SLC44A5: variants seen among roughly 807,000 people sequenced by gnomAD.
SLC44A5 encodes choline transporter-like protein 5.
SLC44A5 carries 57 observed loss-of-function variants against 101.8 expected under a neutral mutation model. The observed-to-expected ratio is 0.56, with a 90% CI of 0.45 to 0.70. The LOEUF is 0.70. Among genes scored for constraint, SLC44A5 ranks in the 30% least tolerant of loss-of-function variants. The pLI is 0.00. For synonymous variants in SLC44A5, 281 were observed against 290.9 expected (o/e 0.97, Z 0.35); for missense variants, 737 against 853.1 (o/e 0.86, Z 1.70).
At chr1:75,635,416 C>T in the SLC44A5 span, among the ~76,000 whole-genome samples, 1 of 151,982 alleles carries the variant, frequency 6.6e-6, no homozygotes, top group South Asian at 2.1e-4. Context: ...ACCCAAATGT[C>T]CAACAATGAT....
At chr1:75,616,736 T>A in the SLC44A5 span, among the ~76,000 whole-genome samples, 1 of 152,142 alleles carries the variant, frequency 6.6e-6, no homozygotes, top group African/African-American at 2.4e-5. Flanking sequence ...AGAAATGGAA[T>A]TCCAGAGGCA....
intron 2 of SLC44A5, among the ~76,000 whole-genome samples, chr1:75,499,050 C>T (rs1668812065): frequency 6.6e-6 from 1 of 152,120 alleles, no homozygotes; most frequent in African/African-American, 2.4e-5. Flanking sequence ...TAGTTAGCTG[C>T]AGTATTCAAA....
At chr1:75,624,783 C>G in the SLC44A5 span, among the ~76,000 whole-genome samples, 2 of 152,082 alleles carry the variant, frequency 1.3e-5, no homozygotes, top group East Asian at 3.9e-4. Flanking sequence ...TTGAGTTGCC[C>G]ACTCACAGCC....
intron 2 of SLC44A5, among the ~76,000 whole-genome samples, chr1:75,508,522 T>C (rs1669390873): frequency 2.0e-5 from 3 of 152,068 alleles, no homozygotes; most frequent in Non-Finnish European, 4.4e-5. Flanking sequence ...CTGAACAGTA[T>C]TGAGACACAA....
At chr1:75,311,537 A>G (rs1422806052) in intron 4 of SLC44A5, 1 of 984,400 alleles carries the variant, frequency 1.0e-6, no homozygotes, top group Admixed American at 6.2e-5. Context: ...AACAGGTACC[A>G]GCTCCTACTA....
the SLC44A5 span, among the ~76,000 whole-genome samples, chr1:75,673,389 T>A: frequency 2.0e-5 from 3 of 151,998 alleles, no homozygotes; most frequent in Non-Finnish European, 4.4e-5. Flanking sequence ...GGGTTCCAAC[T>A]CACTGTAGTA....
At chr1:75,283,532 C>T (rs2100790394) in intron 5 of SLC44A5, among the ~76,000 whole-genome samples, 1 of 152,094 alleles carries the variant, frequency 6.6e-6, no homozygotes, top group South Asian at 2.1e-4. Flanking sequence ...GTTTTTTTGT[C>T]ACATTTGCTT....
intron 2 of SLC44A5, among the ~76,000 whole-genome samples, chr1:75,493,022 A>G (rs897100239): frequency 6.6e-6 from 1 of 152,240 alleles, no homozygotes; most frequent in Non-Finnish European, 1.5e-5. Context: ...CCTAGAAGTG[A>G]CAAAGACCAT....
chr1:75,257,364 T>C (rs1002135057), intron 6 of SLC44A5, among the ~76,000 whole-genome samples: 1 of 152,074 alleles, frequency 6.6e-6, no homozygotes, highest in Admixed American at 6.5e-5. Context: ...TAGTACCCAC[T>C]TGCACTACAA....
intron 2 of SLC44A5, among the ~76,000 whole-genome samples, chr1:75,471,807 A>G (rs1208173118): frequency 6.6e-6 from 1 of 152,046 alleles, no homozygotes; most frequent in Non-Finnish European, 1.5e-5. Context: ...AAGATCAAAT[A>G]AGCTAGTTTG....
At chr1:75,344,635 G>C (rs1406217778) in intron 3 of SLC44A5, among the ~76,000 whole-genome samples, 1 of 152,064 alleles carries the variant, frequency 6.6e-6, no homozygotes, top group Non-Finnish European at 1.5e-5. Context: ...AACTCAACTG[G>C]CTATTTCTGG....
intron 12 of SLC44A5, among the ~76,000 whole-genome samples, chr1:75,232,228 G>C (rs1415461): frequency 0.28 from 43,027 of 151,854 alleles, 6,408 homozygotes; most frequent in Middle Eastern, 0.36. Context: ...TGTTGACCAT[G>C]TTTCTCCTTT....
At chr1:75,552,091 C>T (rs1323847110) in intron 1 of SLC44A5, among the ~76,000 whole-genome samples, 2 of 152,094 alleles carry the variant, frequency 1.3e-5, no homozygotes, top group Non-Finnish European at 2.9e-5. Context: ...AATGAAAGTG[C>T]TATCTGAGAA....
At chr1:75,265,344 C>T (rs139594322) in intron 6 of SLC44A5, among the ~76,000 whole-genome samples, 1 of 152,192 alleles carries the variant, frequency 6.6e-6, no homozygotes, top group East Asian at 1.9e-4. Flanking sequence ...CCCTGATAAA[C>T]ATAGATGCAA....
the SLC44A5 span, among the ~76,000 whole-genome samples, chr1:75,717,262 A>C: frequency 2.0e-5 from 3 of 151,436 alleles, no homozygotes; most frequent in African/African-American, 7.3e-5. Context: ...AATCACTTGA[A>C]TCTCGGAGAC....
At chr1:75,473,995 A>T (rs757716033) in intron 2 of SLC44A5, among the ~76,000 whole-genome samples, 4 of 152,240 alleles carry the variant, frequency 2.6e-5, no homozygotes, top group Non-Finnish European at 5.9e-5. Context: ...ACATATAGAC[A>T]TAACATTGTT....
chr1:75,291,764 C>A (rs1362742686), intron 5 of SLC44A5, among the ~76,000 whole-genome samples: 1 of 152,076 alleles, frequency 6.6e-6, no homozygotes, highest in African/African-American at 2.4e-5. Context: ...GTAATCCCAG[C>A]ACTTTGGGAG....
At chr1:75,512,149 AAT>A (rs1280033553) in intron 2 of SLC44A5, among the ~76,000 whole-genome samples, 1 of 152,164 alleles carries the variant, frequency 6.6e-6, no homozygotes, top group Non-Finnish European at 1.5e-5. Flanking sequence ...TTTCTCCCTA[AAT>A]ATATAATCTA....
chr1:75,651,373 G>A, the SLC44A5 span, among the ~76,000 whole-genome samples: 1 of 152,112 alleles, frequency 6.6e-6, no homozygotes. Flanking sequence ...AGTCTCTACA[G>A]ACATTGTTCT....
Sources: allele counts gnomAD v4.1 joint callset (sites outside exome capture counted in the v4.1 genomes callset), GRCh38; gene constraint gnomAD v4.1.1; transcripts MANE v1.5; gene names NCBI Gene and HGNC (gene_info 2026-07-23, HGNC 2026-07-21).